Variants in AIM2 observed in about 807,000 individuals in gnomAD.
AIM2 encodes the protein interferon-inducible protein AIM2.
Under a neutral mutation model 27.7 loss-of-function variants are expected in AIM2, and 30 were observed. That is an observed-to-expected ratio of 1.08 (90% confidence interval 0.81 to 1.47). The LOEUF (loss-of-function observed/expected upper bound fraction) is 1.47. Ranked by LOEUF, AIM2 falls within the 40% of genes most tolerant of loss-of-function variation. The pLI, the probability that AIM2 is intolerant of heterozygous loss-of-function variation, is 0.00. For missense variants in AIM2, 358 were observed against 411.3 expected (o/e 0.87, Z 1.12); for synonymous variants, 141 against 145.3 (o/e 0.97, Z 0.21).
chr1:159,081,307 A>C (rs1656769908), upstream of AIM2: 1 of 221,448 alleles, frequency 4.5e-6, no homozygotes. Flanking sequence ...GCAAAGAAAT[A>C]AAATCTGTTG....
chr1:159,067,220 T>A (rs943649252), intron 3 of AIM2, among the ~76,000 whole-genome samples: 1 of 152,184 alleles, frequency 6.6e-6, no homozygotes, highest in African/African-American at 2.4e-5. Flanking sequence ...ACTAGAGAGA[T>A]ATTTACCAAC....
At chr1:159,115,741 C>T (rs1408270609) in intron 1 of AIM2, among the ~76,000 whole-genome samples, 1 of 152,080 alleles carries the variant, frequency 6.6e-6, no homozygotes, top group Non-Finnish European at 1.5e-5. Flanking sequence ...AGAAGAAAAC[C>T]TAGGCAATAC....
chr1:159,063,029 C>T (rs962880272), intron 5 of AIM2, among the ~76,000 whole-genome samples: 3 of 152,044 alleles, frequency 2.0e-5, no homozygotes, highest in East Asian at 3.9e-4. Flanking sequence ...TGGCAGGACA[C>T]GGGTAGGAGG....
intron 5 of AIM2, among the ~76,000 whole-genome samples, chr1:159,063,130 T>C (rs1655913059): frequency 6.6e-6 from 1 of 152,196 alleles, no homozygotes; most frequent in Admixed American, 6.5e-5. Flanking sequence ...GCTAGGGAAA[T>C]GTGTCCTCAA....
At chr1:159,082,917 A>G (rs1453096392) in intron 1 of AIM2, among the ~76,000 whole-genome samples, 6 of 152,186 alleles carry the variant, frequency 3.9e-5, no homozygotes, top group Non-Finnish European at 5.9e-5. Context: ...AAAAAAGAAT[A>G]TTTCCTAAGG....
intron 1 of AIM2, among the ~76,000 whole-genome samples, chr1:159,119,128 G>A (rs1647461795): frequency 6.6e-6 from 1 of 152,040 alleles, no homozygotes; most frequent in African/African-American, 2.4e-5. Flanking sequence ...GAAAGCATGA[G>A]ACACCTCCCT....
At chr1:159,100,764 G>T (rs763699221) in intron 1 of AIM2, among the ~76,000 whole-genome samples, 16 of 152,192 alleles carry the variant, frequency 1.1e-4, no homozygotes, top group Non-Finnish European at 1.5e-4. Context: ...CTGTGACCCC[G>T]AATGAACCAC....
intron 4 of AIM2, 32 bp downstream of exon 4, chr1:159,065,877 CT>C: frequency 6.5e-7 from 1 of 1,545,616 alleles, no homozygotes; most frequent in Non-Finnish European, 8.7e-7. Flanking sequence ...GTTATTCTTA[CT>C]AATCAATATG....
At chr1:159,057,970 T>C (rs1368917789), downstream of AIM2, among the ~76,000 whole-genome samples, 1 of 152,184 alleles carries the variant, frequency 6.6e-6, no homozygotes, top group Non-Finnish European at 1.5e-5. Flanking sequence ...AGCCCAGTCA[T>C]GGGTTTGTAT....
At chr1:159,067,377 A>T (rs980979206) in intron 3 of AIM2, among the ~76,000 whole-genome samples, 1 of 152,196 alleles carries the variant, frequency 6.6e-6, no homozygotes, top group Non-Finnish European at 1.5e-5. Flanking sequence ...GCCACTTGCC[A>T]TTTAGAACCA....
intron 1 of AIM2, among the ~76,000 whole-genome samples, chr1:159,099,515 G>A (rs1443688305): frequency 1.3e-5 from 2 of 152,086 alleles, no homozygotes; most frequent in South Asian, 2.1e-4. Flanking sequence ...CCCTCCCAAA[G>A]ACTACTAGAC....
At chr1:159,059,225 AT>A (rs1362280434), downstream of AIM2, among the ~76,000 whole-genome samples, 1 of 152,014 alleles carries the variant, frequency 6.6e-6, no homozygotes, top group Non-Finnish European at 1.5e-5. Flanking sequence ...ACATTTTTAT[AT>A]TTTTTTGCCC....
intron 1 of AIM2, among the ~76,000 whole-genome samples, chr1:159,113,633 A>G (rs1482952730): frequency 6.6e-6 from 1 of 152,190 alleles, no homozygotes; most frequent in Non-Finnish European, 1.5e-5. Flanking sequence ...ACAGAAACCC[A>G]TAATTACTAT....
At chr1:159,078,946 T>A (rs1656707910), upstream of AIM2, among the ~76,000 whole-genome samples, 1 of 152,158 alleles carries the variant, frequency 6.6e-6, no homozygotes, top group African/African-American at 2.4e-5. Flanking sequence ...TTCGTGCCAA[T>A]CCTATAATTA....
At chr1:159,121,830 T>C (rs1397035029) in intron 1 of AIM2, among the ~76,000 whole-genome samples, 11 of 152,198 alleles carry the variant, frequency 7.2e-5, no homozygotes, top group Non-Finnish European at 1.5e-5. Context: ...TTAAAAGCCT[T>C]TACTGTTTAT....
At chr1:159,119,562 T>C (rs1249907654) in intron 1 of AIM2, among the ~76,000 whole-genome samples, 1 of 151,676 alleles carries the variant, frequency 6.6e-6, no homozygotes, top group African/African-American at 2.4e-5. Context: ...CCTGATACAA[T>C]AGGAGATCTT....
At chr1:159,104,530 C>T (rs972737558) in intron 1 of AIM2, among the ~76,000 whole-genome samples, 5 of 152,046 alleles carry the variant, frequency 3.3e-5, no homozygotes, top group Non-Finnish European at 7.4e-5. Context: ...ATTTATCATT[C>T]AAATTGAGAT....
At chr1:159,137,373 G>A (rs1358494385) in intron 1 of AIM2, among the ~76,000 whole-genome samples, 1 of 152,090 alleles carries the variant, frequency 6.6e-6, no homozygotes, top group African/African-American at 2.4e-5. Flanking sequence ...CCTACGTGCT[G>A]GGGCTGGGCG....
chr1:159,101,240 C>T (rs190481594), intron 1 of AIM2, among the ~76,000 whole-genome samples: 309 of 152,242 alleles, frequency 2.0e-3, no homozygotes, highest in Non-Finnish European at 3.6e-3. Context: ...AGTGGGTTCT[C>T]ATGAGATCTG....
Sources: allele counts gnomAD v4.1 joint callset (sites outside exome capture counted in the v4.1 genomes callset), GRCh38; gene constraint gnomAD v4.1.1; transcripts MANE v1.5; gene names NCBI Gene and HGNC (gene_info 2026-07-23, HGNC 2026-07-21).